Variants in DNAAF9 observed in about 807,000 individuals in gnomAD.
DNAAF9 encodes the protein dynein axonemal assembly factor 9.
DNAAF9 carries 90 observed loss-of-function variants against 167.0 expected under a neutral mutation model. The ratio of observed to expected loss-of-function variants is 0.54; its 90% confidence interval spans 0.45 to 0.64. The LOEUF is 0.64. Ranked by LOEUF, DNAAF9 falls within the 30% of genes least tolerant of loss-of-function variation. The pLI, the probability that DNAAF9 is intolerant of heterozygous loss-of-function variation, is 0.00. For synonymous variants in DNAAF9, 491 were observed against 508.8 expected (o/e 0.96, Z 0.47); for missense variants, 1,315 against 1,442.2 (o/e 0.91, Z 1.43).
chr20:3,292,772 G>A (rs2326178), intron 25 of DNAAF9, among the ~76,000 whole-genome samples: 8,448 of 112,918 alleles, frequency 0.075, 325 homozygotes, highest in Non-Finnish European at 0.097. Flanking sequence ...TTTCAAAAAA[G>A]AAAAAAAAAA....
At chr20:3,340,434 C>T (rs1733695041) in intron 10 of DNAAF9, 70 bp downstream of exon 10, 2 of 184,686 alleles carry the variant, frequency 1.1e-5, no homozygotes, top group Non-Finnish European at 2.3e-5. Flanking sequence ...TTGTCTAGCT[C>T]CCCCCACCCA....
rs768563160 is a variant in DNAAF9 at position 3,287,781 on chromosome 20, C to A, written c.2337G>T (p.Val779=). Residue 779 remains valine (V), a synonymous_variant, in exon 27 of 37, where the codon GTG becomes GTT. Transcript: ENST00000252032. ...TLHKECGRWM[V]YRQIMDSSEC... ...CAGAGCTGTCCATGATTTGGCGATA[C>A]ACCATCCATCTGGAAAGGTAAAAGG... is the stretch of plus-strand genomic sequence containing the variant. 1.2e-5 allele frequency: 20 copies of A among 1,614,186 alleles called. 1 individual carries two copies. The South Asian group carries it at 2.2e-4, about 18-fold the overall frequency.
At chr20:3,364,210 T>C (rs2083401000) in intron 6 of DNAAF9, among the ~76,000 whole-genome samples, 1 of 152,256 alleles carries the variant, frequency 6.6e-6, no homozygotes, top group Admixed American at 6.5e-5. Context: ...CTAACATTTC[T>C]GTCAATTCTA....
intron 16 of DNAAF9, among the ~76,000 whole-genome samples, chr20:3,320,303 A>G (rs1266844579): frequency 6.6e-6 from 1 of 152,220 alleles, no homozygotes; most frequent in Non-Finnish European, 1.5e-5. Context: ...GACTATAGGA[A>G]TACTTGTAGG....
In DNAAF9 at chr20:3,362,223, GCTAA is replaced by G. The variant is rs1013791439; in HGVS notation, c.613-2634_613-2631del. ...TGTCTTCGTAATCTTCTAGACCCCA[GCTAA>G]CTGTGTCATCTCCTACTCCTTTCTG... On this transcript the variant is annotated intron_variant, in intron 6 of 36. Transcript: ENST00000252032. 52 of 1,421,894 alleles carry G rather than the reference GCTAA, an allele frequency of 3.7e-5. No individual in the cohort carries two copies. The Middle Eastern group carries it at 1.4e-3, about 39-fold the overall frequency. 88.1% of individuals were successfully genotyped at this position (1,421,894 alleles called of 1,614,324 possible).
chr20:3,289,440 A>G (rs940638734), intron 26 of DNAAF9, among the ~76,000 whole-genome samples: 5 of 151,862 alleles, frequency 3.3e-5, no homozygotes, highest in Non-Finnish European at 5.9e-5. Flanking sequence ...GAGAGACCCC[A>G]TCTCTAAAAA....
At chr20:3,302,174 G>A (rs763143663) in intron 21 of DNAAF9, among the ~76,000 whole-genome samples, 3 of 151,994 alleles carry the variant, frequency 2.0e-5, no homozygotes, top group Non-Finnish European at 4.4e-5. Flanking sequence ...CCTGACCTCA[G>A]GTGATCCACC....
intron 1 of DNAAF9, among the ~76,000 whole-genome samples, chr20:3,387,031 A>G (rs1181221584): frequency 6.6e-6 from 1 of 152,222 alleles, no homozygotes; most frequent in Non-Finnish European, 1.5e-5. Context: ...AATAAATGAA[A>G]AGATACCCTC....
At chr20:3,254,908 T>C (rs1217535161) in intron 35 of DNAAF9, among the ~76,000 whole-genome samples, 1 of 152,218 alleles carries the variant, frequency 6.6e-6, no homozygotes, top group African/African-American at 2.4e-5. Context: ...AGCTGGTTCA[T>C]CTGTAACATA....
chr20:3,279,034 C>A (rs534170989), intron 28 of DNAAF9, 85 bp from the exon 29 acceptor site: 2 of 967,048 alleles, frequency 2.1e-6, no homozygotes, highest in East Asian at 4.8e-5. Context: ...AGGAGTACCA[C>A]TGACAAGCAA....
chr20:3,354,484 C>T (rs1229923224), intron 7 of DNAAF9, among the ~76,000 whole-genome samples: 1 of 152,230 alleles, frequency 6.6e-6, no homozygotes, highest in Non-Finnish European at 1.5e-5. Flanking sequence ...TTGGGTGGCT[C>T]CAAGTCCATA....
intron 6 of DNAAF9, among the ~76,000 whole-genome samples, chr20:3,373,409 G>A (rs1038163626): frequency 2.6e-5 from 4 of 152,142 alleles, no homozygotes; most frequent in African/African-American, 9.7e-5. Flanking sequence ...AACCTATCAA[G>A]CCATTTTCCT....
chr20:3,385,528 C>T (rs556959016), intron 1 of DNAAF9, among the ~76,000 whole-genome samples: 91 of 152,074 alleles, frequency 6.0e-4, no homozygotes, highest in African/African-American at 1.9e-3. Flanking sequence ...TGGGCTCAAG[C>T]GATCCTCCTA....
chr20:3,318,996 T>C (rs1213256898), intron 16 of DNAAF9, among the ~76,000 whole-genome samples: 3 of 147,958 alleles, frequency 2.0e-5, no homozygotes, highest in East Asian at 2.0e-4. Flanking sequence ...GGCAGGAGAA[T>C]TGCTTGAACC....
intron 3 of DNAAF9, among the ~76,000 whole-genome samples, chr20:3,377,099 T>G (rs2083586294): frequency 6.6e-6 from 1 of 152,090 alleles, no homozygotes; most frequent in South Asian, 2.1e-4. Context: ...AATACAGACC[T>G]GGAATCAACA....
chr20:3,311,657 C>T (rs1413401924), intron 20 of DNAAF9, among the ~76,000 whole-genome samples: 1 of 152,156 alleles, frequency 6.6e-6, no homozygotes, highest in Admixed American at 6.5e-5. Context: ...GGCTTACATA[C>T]AACAAACTGG....
intron 22 of DNAAF9, among the ~76,000 whole-genome samples, chr20:3,297,445 C>A (rs1013253316): frequency 6.6e-6 from 1 of 152,162 alleles, no homozygotes; most frequent in Non-Finnish European, 1.5e-5. Context: ...CTATGGTCTG[C>A]GAATCTGACC....
At chr20:3,285,565 G>C (rs1211713565) in intron 27 of DNAAF9, among the ~76,000 whole-genome samples, 2 of 152,002 alleles carry the variant, frequency 1.3e-5, no homozygotes, top group Non-Finnish European at 2.9e-5. Flanking sequence ...TGTAATCCCA[G>C]CTACTTGGGA....
chr20:3,361,105 A>T (rs1415002454), intron 6 of DNAAF9, among the ~76,000 whole-genome samples: 2 of 152,202 alleles, frequency 1.3e-5, no homozygotes, highest in Non-Finnish European at 2.9e-5. Flanking sequence ...ACCTTACCTG[A>T]TGTCTTCTGG....
Sources: gnomAD v4.1 joint callset for allele counts (sites outside exome capture counted in the v4.1 genomes callset) on GRCh38, gnomAD v4.1.1 for gene constraint, MANE v1.5 for transcripts, NCBI Gene and HGNC (gene_info 2026-07-23, HGNC 2026-07-21) for gene names.